The following CACNA1I variants were observed in gnomAD, a reference collection of about 807,000 sequenced individuals.
CACNA1I encodes voltage-dependent T-type calcium channel subunit alpha-1I.
CACNA1I carries 74 observed loss-of-function variants against 201.6 expected under a neutral mutation model. That is an observed-to-expected ratio of 0.37 (90% CI 0.30 to 0.45). The LOEUF is 0.45. Among genes scored for constraint, CACNA1I ranks in the 20% least tolerant of loss-of-function variants. CACNA1I has a pLI of 1.00. For synonymous variants in CACNA1I, 1,431 were observed against 1,345.2 expected (o/e 1.06, Z -1.40); for missense variants, 2,346 against 3,138.1 (o/e 0.75, Z 6.03).
rs1046229509 is a variant in CACNA1I at position 39,689,054 on chromosome 22, T to A, written c.*2649T>A. On this transcript the variant is annotated 3_prime_UTR_variant, in exon 37 of 37. Coordinates refer to ENST00000402142, the MANE Select transcript of CACNA1I (RefSeq NM_021096.4). ...GAGGGTTGGGCAAAGGGCCCTTCCT[T>A]CCTCCCCAACCCTGTGGTCTGGGGC... The A allele has an allele frequency of 1.3e-5, 2 of 152,698 alleles. No homozygotes were observed. The highest frequency in any genetic ancestry group is 4.8e-5 in the African/African-American group (2 of 41,452). The allele number at this position is 152,698 out of a possible 1,614,324, so 9.5% of individuals were successfully genotyped here.
chr22:39,622,876 C>T (rs760730322), intron 4 of CACNA1I, among the ~76,000 whole-genome samples: 5 of 152,032 alleles, frequency 3.3e-5, no homozygotes, highest in Admixed American at 6.5e-5. Context: ...TCCTGGGGGA[C>T]GGCGGGGGCT....
rs557679805 is a variant in CACNA1I at position 39,683,556 on chromosome 22, G to A, written c.5831-746G>A. ...TCCCTTTAGCCAACCATTTATTTAC[G>A]TTTTCCTTAAATGGTAAGATGGTAT... is the stretch of plus-strand genomic sequence containing the variant. On this transcript the variant is annotated intron_variant, in intron 35 of 36. Coordinates refer to ENST00000402142, the MANE Select transcript of CACNA1I (RefSeq NM_021096.4). Among the ~76,000 whole-genome samples, 8 of 152,314 alleles carry A rather than the reference G, an allele frequency of 5.3e-5. No homozygotes were observed. The South Asian group carries it at 1.0e-3, about 20-fold the overall frequency.
intron 31 of CACNA1I, 21 bp downstream of exon 31, chr22:39,678,129 G>A (rs776014186): frequency 1.0e-5 from 16 of 1,607,196 alleles, no homozygotes. Context: ...GCGGGCTGGG[G>A]TGGAGAAATC....
intron 33 of CACNA1I, among the ~76,000 whole-genome samples, 186 bp downstream of exon 33, chr22:39,680,054 T>C (rs1006268974): frequency 1.3e-5 from 2 of 152,112 alleles, no homozygotes; most frequent in African/African-American, 4.8e-5. Flanking sequence ...GGGCCTGTGG[T>C]GTGGTGGCCA....
chr22:39,657,453 G>A (rs1001256610), intron 10 of CACNA1I, among the ~76,000 whole-genome samples: 8 of 152,152 alleles, frequency 5.3e-5, no homozygotes, highest in East Asian at 1.9e-4. Flanking sequence ...TGTGTCCACC[G>A]TCCTTTCATG....
Position 39,649,998 on chromosome 22 carries a change from A to G in CACNA1I, c.1992+73A>G. On this transcript the variant is annotated intron_variant, in intron 10 of 36. Coordinates refer to ENST00000402142, the MANE Select transcript of CACNA1I (RefSeq NM_021096.4). This position sits in a 1 kb window ranked among gnomAD's most constrained non-coding sequence, Gnocchi z 7.3. ...CCCAGGACCCTGCCCAGGCCTGGGCAGCCCCATCCATCTGCCTGGGTTTGT... is the reference window on the plus strand; with the variant it reads ...CCCAGGACCCTGCCCAGGCCTGGGCGGCCCCATCCATCTGCCTGGGTTTGT... 1 of 1,511,246 alleles carries G rather than the reference A, an allele frequency of 6.6e-7. No homozygotes were observed. Among genetic ancestry groups the G allele is most frequent in the South Asian group, 1.1e-5 (1 of 88,238 alleles). 93.6% of individuals were successfully genotyped at this position (1,511,246 alleles called of 1,614,324 possible).
chr22:39,630,969 G>A (rs537750034), intron 4 of CACNA1I, among the ~76,000 whole-genome samples: 1 of 152,318 alleles, frequency 6.6e-6, no homozygotes, highest in South Asian at 2.1e-4. Flanking sequence ...TTCAGGTGTG[G>A]CAGGGAGGAT....
intron 2 of CACNA1I, among the ~76,000 whole-genome samples, chr22:39,598,494 C>T (rs1256185643): frequency 6.6e-6 from 1 of 152,040 alleles, no homozygotes. Flanking sequence ...CCTGGTCTTA[C>T]CTATTACCCT....
At position 39,642,820 on chromosome 22, in the gene CACNA1I, G is replaced by A; in HGVS notation, c.1080G>A (p.Val360=). ...IFQVITLEGW[V]EIMYYVMDAH... ...AGGTGATCACTCTGGAAGGCTGGGT[G>A]GAGATCATGTACTACGTGATGGATG... is the stretch of plus-strand genomic sequence containing the variant. The change falls in exon 7 of 37, where the codon GTG becomes GTA. Residue 360 remains valine (V), a synonymous_variant. Coordinates refer to ENST00000402142, the MANE Select transcript of CACNA1I (RefSeq NM_021096.4). The A allele has an allele frequency of 3.1e-6, 5 of 1,611,152 alleles. No individual in the cohort carries two copies. The highest frequency in any genetic ancestry group is 3.4e-6 in the Non-Finnish European group (4 of 1,178,560).
At chr22:39,633,548 G>A (rs1053684561) in intron 4 of CACNA1I, among the ~76,000 whole-genome samples, 4 of 152,240 alleles carry the variant, frequency 2.6e-5, no homozygotes, top group Admixed American at 6.5e-5. Flanking sequence ...GGGCTGCGGT[G>A]GCTGAATAGG....
Position 39,588,854 on chromosome 22 carries a change from T to C in CACNA1I, c.237-9297T>C, listed in dbSNP as rs369209748. The stretch of plus-strand genomic sequence containing the variant: ...TGGCTTCTCCTGGCTCTTAACTTCA[T>C]GTAATTGGAGTTACGCGTTGTTTGC... On this transcript the variant is annotated intron_variant, in intron 1 of 36. Coordinates refer to ENST00000402142, the MANE Select transcript of CACNA1I (RefSeq NM_021096.4). Among the ~76,000 whole-genome samples the C allele has an allele frequency of 1.2e-4, 18 of 152,270 alleles. No homozygotes were observed. In the East Asian group the frequency reaches 3.1e-3, roughly 26 times the overall value.
chr22:39,658,985 C>T lies in CACNA1I; in HGVS notation c.2199C>T (p.Phe733=). The part of the protein sequence containing the change: ...ADGGLSVLRT[F]RLLRVLKLVR... ...GTGGGCTGTCGGTGCTGCGGACCTT[C>T]CGGCTGCTGCGCGTGCTGAAACTGG... The change falls in exon 12 of 37, where the codon TTC becomes TTT. Residue 733 remains phenylalanine (F), a synonymous_variant. Coordinates refer to ENST00000402142, the MANE Select transcript of CACNA1I (RefSeq NM_021096.4). 2 of 1,608,718 alleles carry T rather than the reference C, an allele frequency of 1.2e-6. No homozygotes were observed. The highest frequency in any genetic ancestry group is 1.7e-6 in the Non-Finnish European group (2 of 1,178,520).
Position 39,584,396 on chromosome 22 carries a change from G to A in CACNA1I, c.236+13408G>A, listed in dbSNP as rs558847531. Among the ~76,000 whole-genome samples, 8 of 152,272 alleles carry A rather than the reference G, an allele frequency of 5.3e-5. No homozygotes were observed. The East Asian group carries it at 1.4e-3, about 26-fold the overall frequency. Reference sequence around the variant, plus strand: ...AGAATATGATACATCTCTTCTGGACGTGATGAATCTGAGGTTCCCAGAGAC... The same window carrying A: ...AGAATATGATACATCTCTTCTGGACATGATGAATCTGAGGTTCCCAGAGAC... On this transcript the variant is annotated intron_variant, in intron 1 of 36. Coordinates refer to ENST00000402142, the MANE Select transcript of CACNA1I (RefSeq NM_021096.4).
At chr22:39,628,811 G>C (rs1225604220) in intron 4 of CACNA1I, among the ~76,000 whole-genome samples, 3 of 152,188 alleles carry the variant, frequency 2.0e-5, no homozygotes, top group Non-Finnish European at 2.9e-5. Flanking sequence ...CAGTGGCCAG[G>C]CCACAGCCTC....
chr22:39,674,309 G>C (rs905734343), intron 29 of CACNA1I, among the ~76,000 whole-genome samples: 9 of 152,214 alleles, frequency 5.9e-5, no homozygotes, highest in African/African-American at 2.2e-4. Flanking sequence ...CCCCCAGGCT[G>C]GTGGAGGGAG....
rs1395219384 is a variant in CACNA1I at position 39,685,518 on chromosome 22, G to A, written c.6028-243G>A. On this transcript the variant is annotated intron_variant, in intron 36 of 36. Coordinates refer to ENST00000402142, the MANE Select transcript of CACNA1I (RefSeq NM_021096.4). The surrounding 1 kb of genome is among the most constrained non-coding windows in gnomAD (Gnocchi z 5.0). Reference sequence around the variant, plus strand: ...GTGAGCCTGGAGCCTTCTGTGACGGGCAGGGCCGGGTCTGACCTGGGTTTG... The same window carrying A: ...GTGAGCCTGGAGCCTTCTGTGACGGACAGGGCCGGGTCTGACCTGGGTTTG... Among the ~76,000 whole-genome samples, 1 of 151,964 alleles carries A rather than the reference G, an allele frequency of 6.6e-6. No individual in the cohort carries two copies. Among genetic ancestry groups the A allele is most frequent in the Non-Finnish European group, 1.5e-5 (1 of 67,934 alleles).
At chr22:39,652,555 T>C (rs1601497879) in intron 10 of CACNA1I, among the ~76,000 whole-genome samples, 1 of 152,208 alleles carries the variant, frequency 6.6e-6, no homozygotes, top group South Asian at 2.1e-4. Context: ...GCCCCTCTTG[T>C]ACCCTTGGAA....
chr22:39,596,030 C>A lies in CACNA1I; in HGVS notation c.237-2121C>A, dbSNP rs550935856. Among the ~76,000 whole-genome samples, 12 of 148,400 alleles carry A rather than the reference C, an allele frequency of 8.1e-5. No homozygotes were observed. The South Asian group carries it at 2.7e-3, about 33-fold the overall frequency. ...AGAAGCTCAGCCCTTGAAGTGGGAA[C>A]AGCACATGCAAAGGCCCTGAGGTGG... On this transcript the variant is annotated intron_variant, in intron 1 of 36. Transcript: ENST00000402142.
At chr22:39,621,110 A>G (rs555178823) in intron 4 of CACNA1I, among the ~76,000 whole-genome samples, 2 of 152,348 alleles carry the variant, frequency 1.3e-5, no homozygotes, top group South Asian at 4.1e-4. Flanking sequence ...GGAACTTGAC[A>G]TCTGATGGCT....
Sources: allele counts gnomAD v4.1 joint callset (sites outside exome capture counted in the v4.1 genomes callset), GRCh38; gene constraint gnomAD v4.1.1; non-coding constraint Gnocchi (gnomAD v3.1); transcripts MANE v1.5; gene names NCBI Gene and HGNC (gene_info 2026-07-23, HGNC 2026-07-21).